Variants in GPR39 observed in about 807,000 individuals in gnomAD.
The protein encoded by GPR39 is G protein-coupled receptor 39, also known as zinc sensing receptor.
Under a neutral mutation model 18.4 loss-of-function variants are expected in GPR39, and 23 were observed. That is an observed-to-expected ratio of 1.25 (90% CI 0.90 to 1.77). The LOEUF (loss-of-function observed/expected upper bound fraction) is 1.77. Ranked by LOEUF, GPR39 falls within the 40% of genes most tolerant of loss-of-function variation. GPR39 has a pLI of 0.00. For synonymous variants in GPR39, 280 were observed against 257.9 expected (o/e 1.09, Z -0.82); for missense variants, 647 against 602.4 (o/e 1.07, Z -0.78).
chr2:132,527,798 G>T (rs562112805), intron 1 of GPR39, among the ~76,000 whole-genome samples: 34 of 151,960 alleles, frequency 2.2e-4, no homozygotes, highest in African/African-American at 8.0e-4. Context: ...TTTTTTTCTT[G>T]TAAATTGGTT....
At chr2:132,629,266 C>G (rs549602471) in intron 1 of GPR39, among the ~76,000 whole-genome samples, 1 of 152,180 alleles carries the variant, frequency 6.6e-6, no homozygotes, top group Non-Finnish European at 1.5e-5. Context: ...ATCTGGATGT[C>G]TTGTTAAAAT....
chr2:132,526,259 A>T (rs1679506306), intron 1 of GPR39, among the ~76,000 whole-genome samples: 1 of 152,148 alleles, frequency 6.6e-6, no homozygotes, highest in Non-Finnish European at 1.5e-5. Context: ...AAATCTGGGA[A>T]ATTTTGAATT....
At chr2:132,440,695 C>T (rs1245954934) in intron 1 of GPR39, among the ~76,000 whole-genome samples, 1 of 152,026 alleles carries the variant, frequency 6.6e-6, no homozygotes, top group African/African-American at 2.4e-5. Flanking sequence ...GCGTGCTCAG[C>T]CAAAGTACTT....
chr2:132,518,192 A>G (rs1172224869), intron 1 of GPR39, among the ~76,000 whole-genome samples: 1 of 152,188 alleles, frequency 6.6e-6, no homozygotes, highest in Admixed American at 6.5e-5. Flanking sequence ...CAATAATCAT[A>G]ATTTTATTAT....
intron 1 of GPR39, among the ~76,000 whole-genome samples, chr2:132,505,308 A>AT (rs1279874446): frequency 1.3e-5 from 2 of 152,140 alleles, no homozygotes; most frequent in Non-Finnish European, 2.9e-5. Flanking sequence ...GGTACATGTG[A>AT]TATTTTGTTG....
rs535468276 is a variant in GPR39, at chr2:132,497,322, T to A, written c.856+79424T>A. ...GGTCCTCCCATCCTTTCCTTTAAGG[T>A]TTTTCCTATCTTCACTCACCCTCAT... On this transcript the variant is annotated intron_variant, in intron 1 of 1. Coordinates refer to ENST00000329321, the MANE Select transcript of GPR39 (RefSeq NM_001508.3). 8.1e-4 allele frequency among the ~76,000 whole-genome samples: 123 copies of A among 152,284 alleles called. 3 individuals carry two copies. The South Asian group carries it at 0.025, about 31-fold the overall frequency.
At chr2:132,636,576 AC>A (rs1681759860) in intron 1 of GPR39, among the ~76,000 whole-genome samples, 1 of 152,216 alleles carries the variant, frequency 6.6e-6, no homozygotes, top group Non-Finnish European at 1.5e-5. Flanking sequence ...TGCAAACAGC[AC>A]CTGCCTGGGA....
intron 1 of GPR39, among the ~76,000 whole-genome samples, chr2:132,449,798 G>A (rs1680601431): frequency 6.6e-6 from 1 of 152,048 alleles, no homozygotes; most frequent in Non-Finnish European, 1.5e-5. Flanking sequence ...CTTCTGCTCA[G>A]AATATAAAGG....
At chr2:132,449,197 T>G (rs1354605865) in intron 1 of GPR39, among the ~76,000 whole-genome samples, 1 of 151,870 alleles carries the variant, frequency 6.6e-6, no homozygotes, top group African/African-American at 2.4e-5. Flanking sequence ...AGAATTTGAC[T>G]CTGGTGCTTT....
At chr2:132,421,261 G>T (rs554973073) in intron 1 of GPR39, among the ~76,000 whole-genome samples, 1 of 152,184 alleles carries the variant, frequency 6.6e-6, no homozygotes, top group South Asian at 2.1e-4. Flanking sequence ...GGACACTTGT[G>T]TGTGTCTATT....
chr2:132,471,610 C>A (rs1269463286), intron 1 of GPR39, among the ~76,000 whole-genome samples: 2 of 151,982 alleles, frequency 1.3e-5, no homozygotes, highest in South Asian at 2.1e-4. Context: ...TGGTTTATCA[C>A]CTACACCACA....
chr2:132,522,166 G>T (rs16833460), intron 1 of GPR39, among the ~76,000 whole-genome samples: 5,427 of 152,220 alleles, frequency 0.036, 349 homozygotes, highest in African/African-American at 0.12. Flanking sequence ...TCAGCCCCAC[G>T]TTGTGATATA....
intron 1 of GPR39, among the ~76,000 whole-genome samples, chr2:132,492,624 A>C (rs111207931): frequency 0.05 from 6,651 of 133,200 alleles, 696 homozygotes; most frequent in African/African-American, 0.2. Flanking sequence ...CTATATATAC[A>C]ATATATATAC....
At chr2:132,589,020 A>G (rs1231680646) in intron 1 of GPR39, among the ~76,000 whole-genome samples, 3 of 152,152 alleles carry the variant, frequency 2.0e-5, no homozygotes, top group African/African-American at 4.8e-5. Flanking sequence ...GCAAATGCCT[A>G]AACAACTGGT....
At chr2:132,564,445 T>A (rs1177628644) in intron 1 of GPR39, among the ~76,000 whole-genome samples, 1 of 152,164 alleles carries the variant, frequency 6.6e-6, no homozygotes, top group Admixed American at 6.5e-5. Context: ...CCCTTCTCCT[T>A]TCATCTTATG....
chr2:132,612,439 C>T (rs1017112939), intron 1 of GPR39, among the ~76,000 whole-genome samples: 2 of 152,326 alleles, frequency 1.3e-5, no homozygotes, highest in East Asian at 3.9e-4. Flanking sequence ...TACTTCAAAG[C>T]AAGACCACGT....
chr2:132,452,873 C>G (rs1475902807), intron 1 of GPR39, among the ~76,000 whole-genome samples: 3 of 149,294 alleles, frequency 2.0e-5, no homozygotes, highest in Admixed American at 6.7e-5. Context: ...TAATCCAGTT[C>G]TATTCATTGA....
At chr2:132,436,233 G>A (rs1455710295) in intron 1 of GPR39, among the ~76,000 whole-genome samples, 3 of 152,182 alleles carry the variant, frequency 2.0e-5, no homozygotes, top group African/African-American at 7.2e-5. Context: ...CCTTCTTCAC[G>A]CACCTGTAAG....
intron 1 of GPR39, among the ~76,000 whole-genome samples, chr2:132,439,035 T>G (rs1050200418): frequency 1.3e-5 from 2 of 152,176 alleles, no homozygotes; most frequent in Non-Finnish European, 2.9e-5. Flanking sequence ...ATAATAACAT[T>G]CATAAGAGTA....
Sources: gnomAD v4.1 joint callset for allele counts (sites outside exome capture counted in the v4.1 genomes callset) on GRCh38, gnomAD v4.1.1 for gene constraint, MANE v1.5 for transcripts, NCBI Gene and HGNC (gene_info 2026-07-23, HGNC 2026-07-21) for gene names.